Variants in DIS3L2 observed in about 807,000 individuals in gnomAD.
The protein encoded by DIS3L2 is DIS3-like exonuclease 2.
A neutral mutation model predicts 97.5 loss-of-function variants in DIS3L2; 34 were observed. That is an observed-to-expected ratio of 0.35 (90% CI 0.27 to 0.46). The LOEUF is 0.46. Among genes scored for constraint, DIS3L2 ranks in the 20% least tolerant of loss-of-function variants. The probability of loss-of-function intolerance (pLI) is 1.00; values close to 1 mark genes in which losing one functional copy is unlikely to be tolerated. For missense variants in DIS3L2, 1,038 were observed against 1,146.0 expected (o/e 0.91, Z 1.36); for synonymous variants, 435 against 445.2 (o/e 0.98, Z 0.29).
Position 232,333,947 on chromosome 2 carries a change from T to G in DIS3L2, c.2118T>G (p.Phe706Leu). 6.2e-7 allele frequency: 1 copy of G among 1,612,642 alleles called. No individual in the cohort carries two copies. The highest frequency in any genetic ancestry group is 8.5e-7 in the Non-Finnish European group (1 of 1,179,790). Residue 706 changes from phenylalanine to leucine, a missense_variant, in exon 17 of 21, where the codon TTT (phenylalanine) becomes TTG (leucine). Coordinates refer to ENST00000325385, the MANE Select transcript of DIS3L2 (RefSeq NM_152383.5). ...YTHFTSPIRR[F>L]ADVLVHRLLA... Reference sequence around the variant, plus strand: ...ACTTCACCTCGCCCATCCGCCGCTTTGCCGACGTCCTGGTGCACCGCCTCC... The same window carrying G: ...ACTTCACCTCGCCCATCCGCCGCTTGGCCGACGTCCTGGTGCACCGCCTCC...
intron 1 of DIS3L2, among the ~76,000 whole-genome samples, chr2:231,978,323 T>C (rs1267265469): frequency 2.0e-5 from 3 of 152,238 alleles, no homozygotes; most frequent in Non-Finnish European, 4.4e-5. Flanking sequence ...GTTTTCTTTA[T>C]ACTTGAACCA....
chr2:232,005,170 ATTTTTTT>A (rs55757645), intron 1 of DIS3L2, among the ~76,000 whole-genome samples: 5 of 126,562 alleles, frequency 4.0e-5, no homozygotes, highest in South Asian at 4.9e-4. Context: ...AAGAATCTTG[ATTTTTTT>A]TTTTTTTTTT....
At chr2:232,194,555 G>A (rs1052870908) in intron 9 of DIS3L2, among the ~76,000 whole-genome samples, 1 of 152,200 alleles carries the variant, frequency 6.6e-6, no homozygotes, top group African/African-American at 2.4e-5. Flanking sequence ...ATAGCTAGAA[G>A]CCAGTGAAGG....
chr2:232,311,933 GA>G (rs1695145971), intron 14 of DIS3L2, among the ~76,000 whole-genome samples: 1 of 152,174 alleles, frequency 6.6e-6, no homozygotes, highest in South Asian at 2.1e-4. Flanking sequence ...TAATAGGAAT[GA>G]AATTGCTGAA....
intron 9 of DIS3L2, among the ~76,000 whole-genome samples, chr2:232,164,063 C>G (rs991269392): frequency 2.6e-5 from 4 of 152,150 alleles, no homozygotes; most frequent in Non-Finnish European, 5.9e-5. Context: ...TTACTGTCAG[C>G]CTTTTACAGA....
At position 232,142,684 on chromosome 2, in the gene DIS3L2, A is replaced by G. The variant is rs188332736; in HGVS notation, c.950+5965A>G. ...TAAAAACACCGTTCCTGAAGTCCCT[A>G]TTCCTTAAGTGCTACTTTCTGCTGT... On this transcript the variant is annotated intron_variant, in intron 8 of 20. Transcript: ENST00000325385. 2.0e-3 allele frequency among the ~76,000 whole-genome samples: 300 copies of G among 152,244 alleles called. 1 individual carries two copies. The highest frequency in any genetic ancestry group is 3.3e-3 in the Non-Finnish European group (224 of 68,008).
At chr2:231,982,202 G>A (rs974777358) in intron 1 of DIS3L2, among the ~76,000 whole-genome samples, 5 of 152,004 alleles carry the variant, frequency 3.3e-5, no homozygotes, top group Non-Finnish European at 7.4e-5. Context: ...ATATTGTGGG[G>A]ATTCATGTTG....
At chr2:232,036,326 T>C (rs1010772020) in intron 5 of DIS3L2, among the ~76,000 whole-genome samples, 2 of 152,262 alleles carry the variant, frequency 1.3e-5, no homozygotes, top group Non-Finnish European at 2.9e-5. Context: ...CTGATACTTG[T>C]ATATGCTTCA....
At chr2:232,095,368 T>G (rs3100586) in intron 6 of DIS3L2, among the ~76,000 whole-genome samples, 2 of 152,104 alleles carry the variant, frequency 1.3e-5, no homozygotes, top group African/African-American at 4.8e-5. Context: ...ATGCTATCCT[T>G]TAACCCATTA....
rs1207913828 is a variant in DIS3L2, at chr2:232,136,560, A to G, written c.791A>G (p.Lys264Arg). 6.2e-7 allele frequency: 1 copy of G among 1,613,956 alleles called. No individual in the cohort carries two copies. The highest frequency in any genetic ancestry group is 2.2e-5 in the East Asian group (1 of 44,892). ...GATAAGAACAGCGAACTGTTTAGGA[A>G]ATACGCCCTGTTTTCTCCCTCAGAC... is the stretch of plus-strand genomic sequence containing the variant. The part of the protein sequence containing the change: ...LADKNSELFR[K>R]YALFSPSDHR... The change falls in exon 8 of 21, where the codon AAA (lysine) becomes AGA (arginine). Residue 264 changes from lysine to arginine, a missense_variant. Around this residue, in one of 3 missense-constraint regions of DIS3L2, gnomAD observed 813 missense variants for 880.1 expected, o/e 0.92. Transcript: ENST00000325385.
At chr2:232,038,963 T>G (rs1695030968) in intron 5 of DIS3L2, among the ~76,000 whole-genome samples, 1 of 152,254 alleles carries the variant, frequency 6.6e-6, no homozygotes, top group Non-Finnish European at 1.5e-5. Context: ...GTTATCTGTT[T>G]AACTAGCTCC....
chr2:232,115,326 C>T (rs1210923444), intron 6 of DIS3L2, among the ~76,000 whole-genome samples: 2 of 151,924 alleles, frequency 1.3e-5, no homozygotes, highest in African/African-American at 4.8e-5. Flanking sequence ...AAAAACAAAC[C>T]TAATTCTGAC....
At chr2:232,148,744 CTTTCTTTTTT>C (rs1408944159) in intron 8 of DIS3L2, among the ~76,000 whole-genome samples, 6 of 77,400 alleles carry the variant, frequency 7.8e-5, no homozygotes, top group African/African-American at 2.9e-4. Context: ...CCTTAATTTT[CTTTCTTTTTT>C]TTTTTTTTTT....
chr2:232,221,742 A>C (rs1482355803), intron 10 of DIS3L2, among the ~76,000 whole-genome samples: 1 of 152,024 alleles, frequency 6.6e-6, no homozygotes, highest in East Asian at 1.9e-4. Flanking sequence ...TGGAGGTTGC[A>C]GTGAGCCGAG....
chr2:232,216,336 G>C (rs927269648), intron 10 of DIS3L2, among the ~76,000 whole-genome samples: 2 of 152,134 alleles, frequency 1.3e-5, no homozygotes, highest in Non-Finnish European at 2.9e-5. Flanking sequence ...CCTGCTCTTG[G>C]CTCTAAATGT....
intron 5 of DIS3L2, among the ~76,000 whole-genome samples, chr2:232,081,244 A>G: frequency 6.6e-6 from 1 of 152,106 alleles, no homozygotes; most frequent in East Asian, 1.9e-4. Flanking sequence ...TTTTTACAAT[A>G]TGCATATGTA....
At chr2:232,246,526 C>T (rs1229206914) in intron 11 of DIS3L2, among the ~76,000 whole-genome samples, 1 of 152,236 alleles carries the variant, frequency 6.6e-6, no homozygotes, top group East Asian at 1.9e-4. Context: ...CTGACTTTCA[C>T]TGAGCATCTT....
chr2:232,018,348 A>G (rs1402523167), intron 3 of DIS3L2, among the ~76,000 whole-genome samples: 1 of 152,132 alleles, frequency 6.6e-6, no homozygotes, highest in Non-Finnish European at 1.5e-5. Context: ...ACATCATGGG[A>G]CTCTGCAGCC....
At position 232,015,622 on chromosome 2, in the gene DIS3L2, T is replaced by C; in HGVS notation, c.161T>C (p.Met54Thr). Residue 54 changes from methionine (M) to threonine (T), a missense_variant, in exon 3 of 21, where the codon ATG becomes ACG. Coordinates refer to ENST00000325385, the MANE Select transcript of DIS3L2 (RefSeq NM_152383.5). ...GKKKSIFETY[M>T]SKEDVSEGLK... ...AAAAAGAGCATATTTGAAACTTACA[T>C]GTCCAAGGAGGATGTTTCAGAAGGC... 2 of 1,614,008 alleles carry C rather than the reference T, an allele frequency of 1.2e-6. No homozygotes were observed. The highest frequency in any genetic ancestry group is 1.7e-6 in the Non-Finnish European group (2 of 1,179,908).
Sources: gnomAD v4.1 joint callset for allele counts (sites outside exome capture counted in the v4.1 genomes callset) on GRCh38, gnomAD v4.1.1 for gene constraint, gnomAD v4.1.1 regional missense constraint, MANE v1.5 for transcripts, NCBI Gene and HGNC (gene_info 2026-07-23, HGNC 2026-07-21) for gene names.